The following GBE1 variants were observed in gnomAD, a reference collection of about 807,000 sequenced individuals.
GBE1 encodes 1,4-alpha-glucan branching enzyme 1.
In GBE1, 70 loss-of-function variants were observed where a neutral mutation model predicts 88.8. The observed-to-expected ratio is 0.79, with a 90% CI of 0.65 to 0.96. GBE1 has a LOEUF of 0.96. Among genes scored for constraint, GBE1 ranks in the 40% least tolerant of loss-of-function variants. The probability of loss-of-function intolerance (pLI) is 0.00; values close to 1 mark genes in which losing one functional copy is unlikely to be tolerated. For missense variants in GBE1, 872 were observed against 871.0 expected (o/e 1.00, Z -0.01); for synonymous variants, 284 against 300.1 (o/e 0.95, Z 0.56).
At chr3:81,493,846 A>T (rs1702468838) in intron 15 of GBE1, among the ~76,000 whole-genome samples, 1 of 150,530 alleles carries the variant, frequency 6.6e-6, no homozygotes, top group South Asian at 2.1e-4. Flanking sequence ...TTTTTTTTTT[A>T]AAGGATGCCA....
chr3:81,558,139 T>C (rs967698927), intron 12 of GBE1, among the ~76,000 whole-genome samples: 1 of 152,052 alleles, frequency 6.6e-6, no homozygotes, highest in Non-Finnish European at 1.5e-5. Flanking sequence ...GTAACCTATT[T>C]CTCAATTTGT....
intron 14 of GBE1, among the ~76,000 whole-genome samples, chr3:81,526,579 GACAA>G (rs1164357500): frequency 5.9e-5 from 9 of 151,980 alleles, no homozygotes; most frequent in African/African-American, 1.9e-4. Flanking sequence ...AACAATAACA[GACAA>G]ACAGAGAGCC....
At chr3:81,556,499 C>T (rs950193289) in intron 12 of GBE1, among the ~76,000 whole-genome samples, 65 of 151,998 alleles carry the variant, frequency 4.3e-4, no homozygotes, top group Admixed American at 6.6e-4. Flanking sequence ...TTGGGGGTAA[C>T]GAGAAACTTT....
chr3:81,675,729 AG>A (rs1176249306), intron 2 of GBE1, among the ~76,000 whole-genome samples: 2 of 152,144 alleles, frequency 1.3e-5, no homozygotes, highest in African/African-American at 2.4e-5. Context: ...GCTCAAAGTT[AG>A]GTACCCCCAA....
chr3:81,495,140 G>A (rs1300612846), intron 15 of GBE1, among the ~76,000 whole-genome samples: 1 of 152,204 alleles, frequency 6.6e-6, no homozygotes, highest in African/African-American at 2.4e-5. Context: ...TGTAATCCCA[G>A]TACTTTGGGA....
intron 1 of GBE1, among the ~76,000 whole-genome samples, chr3:81,719,106 T>C (rs985832100): frequency 6.6e-6 from 1 of 152,182 alleles, no homozygotes; most frequent in South Asian, 2.1e-4. Flanking sequence ...ATAAAATTGG[T>C]GGAAAACTCA....
intron 12 of GBE1, among the ~76,000 whole-genome samples, chr3:81,559,279 C>T (rs1213593996): frequency 2.0e-5 from 3 of 151,932 alleles, no homozygotes; most frequent in Non-Finnish European, 4.4e-5. Flanking sequence ...ACACATCAAA[C>T]TAGAAAACTG....
At chr3:81,495,354 A>G (rs903814756) in intron 15 of GBE1, among the ~76,000 whole-genome samples, 1 of 152,140 alleles carries the variant, frequency 6.6e-6, no homozygotes, top group African/African-American at 2.4e-5. Context: ...ACGCCACTGC[A>G]CTCCAGCCTG....
rs1256748893 is a variant in GBE1, at chr3:81,493,787, C to T, written c.2053-3324G>A. Among the ~76,000 whole-genome samples the T allele has an allele frequency of 3.3e-5, 5 of 151,716 alleles. 1 individual carries two copies. Among genetic ancestry groups the T allele is most frequent in the South Asian group, 4.1e-4 (2 of 4,822 alleles). Reference sequence around the variant, plus strand: ...CCGACCTCAGCTGTTCTGCCTGCCTCGGCAGGCTGGGATTACAGGTGTGAG... The same window carrying T: ...CCGACCTCAGCTGTTCTGCCTGCCTTGGCAGGCTGGGATTACAGGTGTGAG... On this transcript the variant is annotated intron_variant, in intron 15 of 15. Coordinates refer to ENST00000429644, the MANE Select transcript of GBE1 (RefSeq NM_000158.4).
At chr3:81,699,161 A>G (rs1312687666) in intron 2 of GBE1, among the ~76,000 whole-genome samples, 1 of 152,208 alleles carries the variant, frequency 6.6e-6, no homozygotes, top group Non-Finnish European at 1.5e-5. Context: ...AAAATTTCCA[A>G]TAAACTTAAT....
intron 12 of GBE1, among the ~76,000 whole-genome samples, chr3:81,541,921 TTTTTA>T (rs1188193028): frequency 1.3e-5 from 2 of 152,108 alleles, no homozygotes; most frequent in Non-Finnish European, 2.9e-5. Context: ...CAATGTTTTA[TTTTTA>T]TTTTATTTAT....
intron 14 of GBE1, among the ~76,000 whole-genome samples, chr3:81,510,141 A>G (rs1402364042): frequency 6.6e-6 from 1 of 152,066 alleles, no homozygotes; most frequent in Non-Finnish European, 1.5e-5. Flanking sequence ...AGAACATCAA[A>G]GGGGTTTGTC....
intron 2 of GBE1, among the ~76,000 whole-genome samples, chr3:81,704,397 A>G (rs1339835321): frequency 6.6e-6 from 1 of 152,052 alleles, no homozygotes; most frequent in Non-Finnish European, 1.5e-5. Context: ...AAATGTTGAT[A>G]AATTCATACA....
intron 3 of GBE1, among the ~76,000 whole-genome samples, chr3:81,662,683 AAG>A (rs1273638360): frequency 6.6e-6 from 1 of 151,858 alleles, no homozygotes; most frequent in Non-Finnish European, 1.5e-5. Context: ...AAAAAGAAAA[AAG>A]AAAATGAAAG....
chr3:81,715,274 G>T (rs999055233), intron 1 of GBE1, among the ~76,000 whole-genome samples: 1 of 152,130 alleles, frequency 6.6e-6, no homozygotes, highest in African/African-American at 2.4e-5. Context: ...AATGTATACA[G>T]ATCTGCACAG....
chr3:81,706,883 A>C (rs2107170670), intron 1 of GBE1, among the ~76,000 whole-genome samples: 1 of 152,224 alleles, frequency 6.6e-6, no homozygotes, highest in Non-Finnish European at 1.5e-5. Context: ...AAAGTACATA[A>C]GTATAGCAAA....
At chr3:81,526,745 C>G (rs991764686) in intron 14 of GBE1, among the ~76,000 whole-genome samples, 1 of 152,092 alleles carries the variant, frequency 6.6e-6, no homozygotes, top group African/African-American at 2.4e-5. Flanking sequence ...GAAGAACATT[C>G]CCTGCTCATG....
chr3:81,528,789 T>C (rs1342976629), intron 14 of GBE1, among the ~76,000 whole-genome samples: 9 of 152,098 alleles, frequency 5.9e-5, no homozygotes, highest in Non-Finnish European at 1.0e-4. Context: ...TTCATGCAGC[T>C]ACTCTTGCTG....
chr3:81,589,934 G>A (rs778476335), intron 9 of GBE1, among the ~76,000 whole-genome samples: 19 of 152,004 alleles, frequency 1.2e-4, no homozygotes, highest in Admixed American at 8.5e-4. Flanking sequence ...ATGATCAAAC[G>A]TAGGTAGGTC....
Sources: allele counts gnomAD v4.1 joint callset (sites outside exome capture counted in the v4.1 genomes callset), GRCh38; gene constraint gnomAD v4.1.1; transcripts MANE v1.5; gene names NCBI Gene and HGNC (gene_info 2026-07-23, HGNC 2026-07-21).